CDH13: variants seen among roughly 807,000 people sequenced by gnomAD.
CDH13 encodes cadherin 13.
CDH13 carries 24 observed loss-of-function variants against 63.8 expected under a neutral mutation model. The ratio of observed to expected loss-of-function variants is 0.38; its 90% CI spans 0.27 to 0.53. CDH13 has a LOEUF of 0.53. Among genes scored for constraint, CDH13 ranks in the 20% least tolerant of loss-of-function variants. The probability of loss-of-function intolerance (pLI) is 0.85; values close to 1 mark genes in which losing one functional copy is unlikely to be tolerated. For missense variants in CDH13, 1,049 were observed against 903.1 expected (o/e 1.16, Z -2.07); for synonymous variants, 503 against 355.3 (o/e 1.42, Z -4.67).
intron 3 of CDH13, among the ~76,000 whole-genome samples, chr16:83,033,285 T>C (rs572625301): frequency 6.6e-6 from 1 of 152,326 alleles, no homozygotes; most frequent in South Asian, 2.1e-4. Flanking sequence ...TATATGTATA[T>C]GTAATTGTTT....
chr16:82,897,543 C>T (rs1033506476), intron 2 of CDH13, among the ~76,000 whole-genome samples: 8 of 152,214 alleles, frequency 5.3e-5, no homozygotes, highest in African/African-American at 1.2e-4. Flanking sequence ...CTGCTATTAT[C>T]CATCCCCATT....
chr16:83,716,352 G>A (rs777160487), intron 10 of CDH13, among the ~76,000 whole-genome samples: 2 of 152,186 alleles, frequency 1.3e-5, no homozygotes, highest in African/African-American at 4.8e-5. Context: ...ATGTATAACA[G>A]CATGCATCCA....
chr16:83,022,594 T>A (rs187872625), intron 2 of CDH13, among the ~76,000 whole-genome samples: 4 of 152,342 alleles, frequency 2.6e-5, no homozygotes, highest in Admixed American at 6.5e-5. Flanking sequence ...CTCTTCTGTG[T>A]GTGCGTATGA....
chr16:83,283,605 C>A (rs1055416176), intron 5 of CDH13, among the ~76,000 whole-genome samples: 3 of 152,054 alleles, frequency 2.0e-5, no homozygotes, highest in African/African-American at 7.2e-5. Flanking sequence ...ACAAAAATTT[C>A]CACAGGAGAT....
chr16:83,457,858 G>C lies in CDH13; in HGVS notation c.782-28619G>C, dbSNP rs112581768. 7.5e-3 allele frequency among the ~76,000 whole-genome samples: 1,146 copies of C among 152,304 alleles called. 12 individuals are homozygous for C. The highest frequency in any genetic ancestry group is 0.026 in the African/African-American group (1,080 of 41,566). On this transcript the variant is annotated intron_variant, in intron 6 of 13. Transcript: ENST00000567109. ...TCTCTCCCAGATTTCTGATTTGACA[G>C]GTCATGGCACCCTAAATTTGCATTT...
intron 3 of CDH13, among the ~76,000 whole-genome samples, chr16:83,057,769 C>G (rs186927413): frequency 2.5e-4 from 38 of 152,238 alleles, no homozygotes; most frequent in Non-Finnish European, 4.0e-4. Flanking sequence ...AAGATCACCT[C>G]CCACTCCAGA....
chr16:82,782,338 G>T (rs948687683), intron 1 of CDH13, among the ~76,000 whole-genome samples: 1 of 152,158 alleles, frequency 6.6e-6, no homozygotes, highest in Admixed American at 6.5e-5. Context: ...GAGGTGGGTG[G>T]ATCACGAGGT....
intron 2 of CDH13, among the ~76,000 whole-genome samples, chr16:83,022,286 T>A (rs1266961864): frequency 6.6e-6 from 1 of 152,196 alleles, no homozygotes; most frequent in Non-Finnish European, 1.5e-5. Context: ...TGAGGAAGAA[T>A]TGAATTCTGT....
At chr16:82,994,462 C>G (rs1305304855) in intron 2 of CDH13, among the ~76,000 whole-genome samples, 15 of 152,178 alleles carry the variant, frequency 9.9e-5, no homozygotes, top group Admixed American at 9.8e-4. Context: ...TCTATCAGCT[C>G]CAGCAAAGAG....
intron 1 of CDH13, among the ~76,000 whole-genome samples, chr16:82,766,387 G>A (rs1187369621): frequency 1.3e-5 from 2 of 152,210 alleles, no homozygotes; most frequent in East Asian, 3.8e-4. Context: ...CATGATCTGA[G>A]GTTGGGGAAT....
intron 1 of CDH13, among the ~76,000 whole-genome samples, chr16:82,744,607 G>A (rs753590424): frequency 6.6e-6 from 1 of 151,984 alleles, no homozygotes; most frequent in Non-Finnish European, 1.5e-5. Context: ...CTCCAAGAAG[G>A]AGCTATAACA....
At chr16:83,063,964 C>T (rs1306363595) in intron 3 of CDH13, among the ~76,000 whole-genome samples, 1 of 152,010 alleles carries the variant, frequency 6.6e-6, no homozygotes, top group Non-Finnish European at 1.5e-5. Context: ...TTGAAGCAGG[C>T]TAAGTATGAA....
At chr16:82,975,073 T>C (rs1355954623) in intron 2 of CDH13, among the ~76,000 whole-genome samples, 1 of 152,222 alleles carries the variant, frequency 6.6e-6, no homozygotes, top group African/African-American at 2.4e-5. Context: ...CCAACTCGTC[T>C]TTCTGATTTC....
At chr16:83,443,341 A>T (rs1266934325) in intron 6 of CDH13, among the ~76,000 whole-genome samples, 1 of 152,168 alleles carries the variant, frequency 6.6e-6, no homozygotes, top group Non-Finnish European at 1.5e-5. Context: ...GAATCTAAGG[A>T]GTGAGCTTGG....
In CDH13 at chr16:83,378,669, G is replaced by C. The variant is rs112789216; in HGVS notation, c.781+33663G>C. 3.9e-5 allele frequency among the ~76,000 whole-genome samples: 6 copies of C among 152,204 alleles called. 1 individual carries two copies. Among genetic ancestry groups the C allele is most frequent in the African/African-American group, 1.4e-4 (6 of 41,526 alleles). On this transcript the variant is annotated intron_variant, in intron 6 of 13. Coordinates refer to ENST00000567109, the MANE Select transcript of CDH13 (RefSeq NM_001257.5). ...TATTATCATATTTGCATGACCTTAG[G>C]CAAGATACTTGACTGCTCTGAGCCT...
chr16:82,899,027 T>G (rs2041366510), intron 2 of CDH13, among the ~76,000 whole-genome samples: 1 of 152,148 alleles, frequency 6.6e-6, no homozygotes, highest in Admixed American at 6.5e-5. Context: ...TCCCCCAAGA[T>G]CACACTCATC....
At chr16:82,650,224 T>C (rs1352559373) in intron 1 of CDH13, among the ~76,000 whole-genome samples, 1 of 152,132 alleles carries the variant, frequency 6.6e-6, no homozygotes, top group African/African-American at 2.4e-5. Context: ...ATGAGGTACG[T>C]GAGGTTGCAT....
intron 1 of CDH13, among the ~76,000 whole-genome samples, chr16:82,688,080 T>A (rs989805318): frequency 6.6e-6 from 1 of 152,214 alleles, no homozygotes. Context: ...TTTGTGATTT[T>A]ACCTTTTTGT....
At chr16:83,669,900 G>T (rs1466338757) in intron 8 of CDH13, among the ~76,000 whole-genome samples, 6 of 152,206 alleles carry the variant, frequency 3.9e-5, no homozygotes, top group Admixed American at 3.9e-4. Context: ...CCTGTAGTGT[G>T]TCAGAGGTAA....
Sources: allele counts gnomAD v4.1 joint callset (sites outside exome capture counted in the v4.1 genomes callset), GRCh38; gene constraint gnomAD v4.1.1; transcripts MANE v1.5; gene names NCBI Gene and HGNC (gene_info 2026-07-23, HGNC 2026-07-21).